THSD7A: variants seen among roughly 807,000 people sequenced by gnomAD.
THSD7A encodes the protein thrombospondin type 1 domain containing 7A, also known as thrombospondin type-1 domain-containing protein 7A.
THSD7A carries 96 observed loss-of-function variants against 231.3 expected under a neutral mutation model. The ratio of observed to expected loss-of-function variants is 0.41; its 90% CI spans 0.35 to 0.49. The LOEUF (loss-of-function observed/expected upper bound fraction) is 0.49. Ranked by LOEUF, THSD7A falls within the 20% of genes least tolerant of loss-of-function variation. THSD7A has a pLI of 0.05. For missense variants in THSD7A, 2,290 were observed against 2,070.2 expected (o/e 1.11, Z -2.06); for synonymous variants, 940 against 743.3 (o/e 1.26, Z -4.30).
intron 2 of THSD7A, among the ~76,000 whole-genome samples, chr7:11,606,698 A>C (rs1780745567): frequency 1.3e-5 from 2 of 152,128 alleles, no homozygotes; most frequent in African/African-American, 2.4e-5. Flanking sequence ...ACATCACTTG[A>C]CAATATTAAC....
At chr7:11,788,669 G>A (rs1490580411) in intron 1 of THSD7A, among the ~76,000 whole-genome samples, 1 of 152,042 alleles carries the variant, frequency 6.6e-6, no homozygotes, top group Non-Finnish European at 1.5e-5. Flanking sequence ...GCATAGAGTT[G>A]TGGATAAACT....
intron 1 of THSD7A, among the ~76,000 whole-genome samples, chr7:11,717,806 TA>T (rs1443508774): frequency 1.3e-5 from 2 of 151,640 alleles, no homozygotes; most frequent in East Asian, 3.9e-4. Context: ...TTCCCTGCTC[TA>T]AACTTCCATG....
At chr7:11,410,126 A>G (rs935481766) in intron 19 of THSD7A, among the ~76,000 whole-genome samples, 9 of 152,196 alleles carry the variant, frequency 5.9e-5, no homozygotes, top group African/African-American at 1.9e-4. Flanking sequence ...TGAAATTTCT[A>G]ATTATTCAAG....
intron 4 of THSD7A, among the ~76,000 whole-genome samples, chr7:11,582,328 A>C (rs1353983916): frequency 6.6e-6 from 1 of 151,976 alleles, no homozygotes; most frequent in Admixed American, 6.6e-5. Context: ...CTTAATAATT[A>C]TGCTTAAATG....
intron 2 of THSD7A, among the ~76,000 whole-genome samples, chr7:11,620,583 T>C (rs141465308): frequency 9.3e-4 from 141 of 152,312 alleles, no homozygotes; most frequent in Admixed American, 2.0e-3. Flanking sequence ...TCTCATCCTT[T>C]GGTAACCTCC....
At chr7:11,821,982 T>C (rs1022133286) in intron 1 of THSD7A, among the ~76,000 whole-genome samples, 5 of 152,146 alleles carry the variant, frequency 3.3e-5, no homozygotes, top group Non-Finnish European at 7.4e-5. Context: ...TCAGAAACAA[T>C]AGATAGGTTA....
intron 2 of THSD7A, among the ~76,000 whole-genome samples, chr7:11,612,613 C>T (rs1780972323): frequency 6.6e-6 from 1 of 152,114 alleles, no homozygotes; most frequent in African/African-American, 2.4e-5. Context: ...GAGAAAGTAT[C>T]AGAAGCGATG....
intron 6 of THSD7A, among the ~76,000 whole-genome samples, chr7:11,539,918 G>A (rs2128322102): frequency 6.6e-6 from 1 of 152,284 alleles, no homozygotes; most frequent in African/African-American, 2.4e-5. Flanking sequence ...TATTTGAACT[G>A]AGAAAAACGA....
intron 4 of THSD7A, among the ~76,000 whole-genome samples, chr7:11,567,379 C>A (rs1790398550): frequency 6.6e-6 from 1 of 152,132 alleles, no homozygotes. Flanking sequence ...CAGAAAAAAA[C>A]CGCCGTCATG....
intron 9 of THSD7A, among the ~76,000 whole-genome samples, chr7:11,463,521 G>C (rs894445140): frequency 6.6e-6 from 1 of 152,122 alleles, no homozygotes; most frequent in East Asian, 1.9e-4. Flanking sequence ...ACACGACCTT[G>C]TATGACCTAT....
chr7:11,561,542 A>T (rs1482397043), intron 4 of THSD7A, among the ~76,000 whole-genome samples: 1 of 152,202 alleles, frequency 6.6e-6, no homozygotes, highest in Non-Finnish European at 1.5e-5. Flanking sequence ...CAGAAATCTC[A>T]TGAAGTAGGC....
intron 4 of THSD7A, among the ~76,000 whole-genome samples, chr7:11,578,963 T>C (rs1416027788): frequency 2.6e-5 from 4 of 152,144 alleles, no homozygotes; most frequent in African/African-American, 9.7e-5. Context: ...TACAAGAATA[T>C]AGATTACTAC....
At chr7:11,546,202 G>GCGCGCGCGCGCACACACACACA (rs761841418) in intron 4 of THSD7A, among the ~76,000 whole-genome samples, 23 of 129,452 alleles carry the variant, frequency 1.8e-4, no homozygotes, top group East Asian at 1.6e-3. Flanking sequence ...GTGGGCGCGC[G>GCGCGCGCGCGCACACACACACA]CTCACACACA....
At chr7:11,479,441 A>G (rs1478912369) in intron 7 of THSD7A, among the ~76,000 whole-genome samples, 1 of 152,228 alleles carries the variant, frequency 6.6e-6, no homozygotes, top group Non-Finnish European at 1.5e-5. Flanking sequence ...ACTTTCCTTT[A>G]AAGTTATCAC....
intron 6 of THSD7A, among the ~76,000 whole-genome samples, chr7:11,490,932 T>A (rs567570242): frequency 6.6e-6 from 1 of 152,216 alleles, no homozygotes; most frequent in South Asian, 2.1e-4. Flanking sequence ...GTTTGTTCAA[T>A]ATGACAGCAG....
Position 11,590,301 on chromosome 7 carries a change from C to T in THSD7A, c.1453+159G>A, listed in dbSNP as rs758018280. Among the ~76,000 whole-genome samples, 2 of 152,158 alleles carry T rather than the reference C, an allele frequency of 1.3e-5. No homozygotes were observed. Among genetic ancestry groups the T allele is most frequent in the African/African-American group, 2.4e-5 (1 of 41,428 alleles). On this transcript the variant is annotated intron_variant, in intron 4 of 27. Coordinates refer to ENST00000423059, the MANE Select transcript of THSD7A (RefSeq NM_015204.3). The surrounding 1 kb of genome is among the most constrained non-coding windows in gnomAD (Gnocchi z 4.4). The stretch of plus-strand genomic sequence containing the variant: ...GGAATTGTGTTAAATATTTTCACAA[C>T]CATAATGTGGATTACTGTTTACCAT...
intron 14 of THSD7A, 47 bp from the exon 15 acceptor site, chr7:11,426,718 T>G (rs748216696): frequency 6.5e-7 from 1 of 1,540,454 alleles, no homozygotes; most frequent in South Asian, 1.2e-5. Context: ...AGAAATAAGG[T>G]AGGTGAAAAT....
chr7:11,677,171 T>C lies in THSD7A; in HGVS notation c.191-40210A>G, dbSNP rs543930781. Reference sequence around the variant, plus strand: ...AATTTTATATCCAGCCAAACTAAGCTTCATGAGTGAAGGAGAAATAAAATC... The same window carrying C: ...AATTTTATATCCAGCCAAACTAAGCCTCATGAGTGAAGGAGAAATAAAATC... On this transcript the variant is annotated intron_variant, in intron 1 of 27. Coordinates refer to ENST00000423059, the MANE Select transcript of THSD7A (RefSeq NM_015204.3). Among the ~76,000 whole-genome samples, 68 of 152,186 alleles carry C rather than the reference T, an allele frequency of 4.5e-4. 1 individual carries two copies. The South Asian group carries it at 0.012, about 27-fold the overall frequency.
chr7:11,705,032 T>C (rs1233621308), intron 1 of THSD7A, among the ~76,000 whole-genome samples: 1 of 151,104 alleles, frequency 6.6e-6, no homozygotes, highest in Non-Finnish European at 1.5e-5. Context: ...TTTAAAAATA[T>C]ATACTCCAAA....
Sources: allele counts gnomAD v4.1 joint callset (sites outside exome capture counted in the v4.1 genomes callset), GRCh38; gene constraint gnomAD v4.1.1; non-coding constraint Gnocchi (gnomAD v3.1); transcripts MANE v1.5; gene names NCBI Gene and HGNC (gene_info 2026-07-23, HGNC 2026-07-21).